Variants in ATRX observed in about 807,000 individuals in gnomAD.
The protein encoded by ATRX is ATRX chromatin remodeler.
A neutral mutation model predicts 172.6 loss-of-function variants in ATRX; 12 were observed. That is an observed-to-expected ratio of 0.07 (90% CI 0.04 to 0.11). The LOEUF (loss-of-function observed/expected upper bound fraction) is 0.11, where lower values mean the gene tolerates loss of function less well. Among genes scored for constraint, ATRX ranks in the 10% least tolerant of loss-of-function variants. ATRX has a pLI of 1.00. For missense variants in ATRX, 1,368 were observed against 1,767.4 expected, an observed-to-expected ratio of 0.77 and a Z score of 4.05; for synonymous variants, 674 against 594.7, an observed-to-expected ratio of 1.13 and a Z score of -1.94.
chrX:77,567,052 T>G (rs1192439136), intron 28 of ATRX, among the ~76,000 whole-genome samples: 1 of 110,960 alleles, frequency 9.0e-6, no homozygotes, highest in Non-Finnish European at 1.9e-5. Context: ...GTAATAAGTG[T>G]GTGTATAGGT....
chrX:77,763,473 T>A lies in ATRX; in HGVS notation c.20+22509A>T, dbSNP rs1326733465. Among the ~76,000 whole-genome samples the A allele has an allele frequency of 4.0e-3, 334 of 84,078 alleles. 1 individual carries two copies. Among genetic ancestry groups the A allele is most frequent in the Middle Eastern group, 7.0e-3 (1 of 142 alleles). The allele number at this position is 84,078 out of a possible 115,157, so 73.0% of individuals were successfully genotyped here. A position where few individuals can be genotyped will look rare whatever the true frequency, so the allele number is the denominator to read the frequency against. On this transcript the variant is annotated intron_variant, in intron 1 of 34. Coordinates refer to ENST00000373344, the MANE Select transcript of ATRX (RefSeq NM_000489.6). ...ATACTATTTTCTTTTTTCTTTTTTT[T>A]AAAAAAAAAAAAAAAAAAAATGAGT...
At chrX:77,758,488 G>A (rs2075594553) in intron 1 of ATRX, among the ~76,000 whole-genome samples, 1 of 108,914 alleles carries the variant, frequency 9.2e-6, no homozygotes, top group Non-Finnish European at 1.9e-5. Context: ...GGGCACGGTG[G>A]CTCACACCTG....
At chrX:77,749,818 G>T (rs782129630) in intron 1 of ATRX, among the ~76,000 whole-genome samples, 3 of 111,184 alleles carry the variant, frequency 2.7e-5, no homozygotes, top group African/African-American at 9.8e-5. Flanking sequence ...CCGTGGACAT[G>T]AGACATCCCT....
At chrX:77,586,159 C>T (rs1186416643) in intron 27 of ATRX, among the ~76,000 whole-genome samples, 1 of 111,866 alleles carries the variant, frequency 8.9e-6, no homozygotes, top group Non-Finnish European at 1.9e-5. Context: ...TTTTTTGTAT[C>T]ACAAAGGATA....
At chrX:77,707,515 C>T (rs1334994644) in intron 2 of ATRX, among the ~76,000 whole-genome samples, 4 of 111,719 alleles carry the variant, frequency 3.6e-5, no homozygotes, top group Admixed American at 9.5e-5. Context: ...GAGGCCGAGG[C>T]GGGTGAATTG....
At position 77,682,145 on chromosome X, in the gene ATRX, A is replaced by C; in HGVS notation, c.3111T>G (p.Asn1037Lys). The change falls in exon 9 of 35, where the codon AAT becomes AAG. Residue 1037 changes from asparagine (N) to lysine (K), a missense_variant. Coordinates refer to ENST00000373344, the MANE Select transcript of ATRX (RefSeq NM_000489.6). ...TTTTCTTTTCTCCATCAGTTGTTCC[A>C]TTCTTAATTTGTTTTATGCCCTTAG... ...HFPKGIKQIKNGTTDGEKKSK... is the reference protein window; with the variant it reads ...HFPKGIKQIKKGTTDGEKKSK... 8.3e-7 allele frequency: 1 copy of C among 1,210,602 alleles called. No homozygotes were observed. Among genetic ancestry groups the C allele is most frequent in the Non-Finnish European group, 1.1e-6 (1 of 894,972 alleles).
chrX:77,686,306 T>C (rs2071549521), intron 7 of ATRX, among the ~76,000 whole-genome samples: 1 of 112,289 alleles, frequency 8.9e-6, no homozygotes, highest in Non-Finnish European at 1.9e-5. Flanking sequence ...AAACATCTCA[T>C]GTATGCCATA....
chrX:77,696,570 A>G lies in ATRX; in HGVS notation c.370+7T>C, dbSNP rs781871184. 2.6e-5 allele frequency: 31 copies of G among 1,204,630 alleles called. No individual in the cohort carries two copies. Among genetic ancestry groups the G allele is most frequent in the Admixed American group, 4.4e-5 (2 of 45,821 alleles). ...CTTTAACTTCATGAAAAATTAACAC[A>G]CATTACCTTTTGGCAAGCTCTGCAT... On this transcript the variant is annotated splice_region_variant and intron_variant, in intron 5 of 34. Coordinates refer to ENST00000373344, the MANE Select transcript of ATRX (RefSeq NM_000489.6).
chrX:77,542,116 A>T (rs1376119810), intron 30 of ATRX, among the ~76,000 whole-genome samples: 2 of 112,373 alleles, frequency 1.8e-5, no homozygotes. Context: ...ACTTCAGCAA[A>T]GTCCCAGAAT....
At chrX:77,757,887 G>C (rs1466867482) in intron 1 of ATRX, among the ~76,000 whole-genome samples, 1 of 108,629 alleles carries the variant, frequency 9.2e-6, no homozygotes, top group Admixed American at 9.9e-5. Flanking sequence ...GGCCAGGCTG[G>C]TCTTGAACTC....
chrX:77,582,692 A>T (rs1276375605), intron 27 of ATRX, among the ~76,000 whole-genome samples: 4 of 112,033 alleles, frequency 3.6e-5, no homozygotes, highest in Non-Finnish European at 7.5e-5. Context: ...AATTCAAAGA[A>T]TCATTAGTTG....
At chrX:77,737,296 G>T (rs1191956989) in intron 1 of ATRX, among the ~76,000 whole-genome samples, 1 of 107,672 alleles carries the variant, frequency 9.3e-6, no homozygotes, top group African/African-American at 3.4e-5. Context: ...GGTGGTGGGC[G>T]CCTGTAATCC....
chrX:77,662,198 G>T (rs1322988969), intron 12 of ATRX, among the ~76,000 whole-genome samples: 1 of 111,152 alleles, frequency 9.0e-6, no homozygotes, highest in Non-Finnish European at 1.9e-5. Context: ...TAATACAAAG[G>T]TCAATAATTC....
chrX:77,600,676 A>G, intron 22 of ATRX, 112 bp from the exon 23 acceptor site: 1 of 833,246 alleles, frequency 1.2e-6, no homozygotes, highest in Admixed American at 2.7e-5. Flanking sequence ...AGTGTAGAGA[A>G]GCTTATAAAT....
chrX:77,531,445 C>T (rs185146310), intron 30 of ATRX, among the ~76,000 whole-genome samples: 8 of 111,969 alleles, frequency 7.1e-5, no homozygotes, highest in South Asian at 3.7e-4. Flanking sequence ...ATCAAGATGG[C>T]GTCATCCCTG....
At chrX:77,598,199 C>T (rs370332814) in intron 25 of ATRX, among the ~76,000 whole-genome samples, 1 of 111,083 alleles carries the variant, frequency 9.0e-6, no homozygotes, top group Non-Finnish European at 1.9e-5. Flanking sequence ...AAACCAAATA[C>T]GGCGTGTTCT....
chrX:77,528,049 T>TG (rs1387471186), intron 30 of ATRX, among the ~76,000 whole-genome samples: 1 of 4,336 alleles, frequency 2.3e-4, no homozygotes, highest in Non-Finnish European at 4.5e-4. Context: ...GGTGGGGGGG[T>TG]GGGGGGCGGC....
chrX:77,603,327 G>A (rs1425734216), intron 22 of ATRX, among the ~76,000 whole-genome samples: 2 of 110,354 alleles, frequency 1.8e-5, no homozygotes, highest in Non-Finnish European at 3.8e-5. Context: ...GTTTGAATCT[G>A]TAGATTGCTT....
intron 30 of ATRX, among the ~76,000 whole-genome samples, chrX:77,541,080 TAAA>T (rs1557050620): frequency 9.0e-6 from 1 of 110,973 alleles, no homozygotes; most frequent in East Asian, 2.8e-4. Flanking sequence ...GCCAGACTGA[TAAA>T]GAAGAAAGGA....
Sources: gnomAD v4.1 joint callset for allele counts (sites outside exome capture counted in the v4.1 genomes callset) on GRCh38, gnomAD v4.1.1 for gene constraint, MANE v1.5 for transcripts, NCBI Gene and HGNC (gene_info 2026-07-23, HGNC 2026-07-21) for gene names.